SIPA1L1: variants seen among roughly 807,000 people sequenced by gnomAD.
SIPA1L1 encodes signal-induced proliferation-associated 1-like protein 1.
A neutral mutation model predicts 162.7 loss-of-function variants in SIPA1L1; 26 were observed. The observed-to-expected ratio is 0.16, with a 90% confidence interval of 0.12 to 0.22. The LOEUF (loss-of-function observed/expected upper bound fraction) is 0.22, where lower values mean the gene tolerates loss of function less well. Ranked by LOEUF, SIPA1L1 falls within the 10% of genes least tolerant of loss-of-function variation. The probability of loss-of-function intolerance (pLI) is 1.00; values close to 1 mark genes in which losing one functional copy is unlikely to be tolerated. For synonymous variants in SIPA1L1, 829 were observed against 837.4 expected, an observed-to-expected ratio of 0.99 and a Z score of 0.17; for missense variants, 1,874 against 2,241.0, an observed-to-expected ratio of 0.84 and a Z score of 3.31.
intron 19 of SIPA1L1, among the ~76,000 whole-genome samples, chr14:71,726,133 T>G (rs758461294): frequency 1.3e-5 from 2 of 152,214 alleles, no homozygotes; most frequent in Non-Finnish European, 2.9e-5. Context: ...AGGACCACTT[T>G]AGAGTTTTGT....
intron 5 of SIPA1L1, among the ~76,000 whole-genome samples, chr14:71,590,446 T>C (rs976041322): frequency 5.3e-5 from 8 of 152,138 alleles, no homozygotes; most frequent in African/African-American, 1.9e-4. Flanking sequence ...TATTTAAAAT[T>C]ATTGAATGGT....
intron 2 of SIPA1L1, among the ~76,000 whole-genome samples, chr14:71,414,683 G>A (rs954569501): frequency 4.8e-4 from 73 of 152,300 alleles, no homozygotes; most frequent in African/African-American, 1.7e-3. Context: ...GAAATTAGGT[G>A]AGAGCTTATA....
At chr14:71,342,686 G>A (rs2035784171) in intron 2 of SIPA1L1, among the ~76,000 whole-genome samples, 1 of 152,064 alleles carries the variant, frequency 6.6e-6, no homozygotes, top group South Asian at 2.1e-4. Flanking sequence ...ATTGAGTTTT[G>A]GACTGTGTAT....
chr14:71,374,346 T>G (rs2039175418), intron 2 of SIPA1L1, among the ~76,000 whole-genome samples: 1 of 152,134 alleles, frequency 6.6e-6, no homozygotes, highest in Non-Finnish European at 1.5e-5. Context: ...CTTATATGTT[T>G]TATTCCAACT....
At position 71,709,454 on chromosome 14, in the gene SIPA1L1, C is replaced by T. The variant is rs1432748293; in HGVS notation, c.3998C>T (p.Pro1333Leu). The T allele has an allele frequency of 1.2e-6, 2 of 1,614,222 alleles. No homozygotes were observed. The highest frequency in any genetic ancestry group is 8.5e-7 in the Non-Finnish European group (1 of 1,180,042). ...GAATSSPRSG[P>L]GKEKVAPLWH... ...GCCACATCGTCACCTCGCTCAGGGC[C>T]AGGCAAGGAGAAAGTGGCACCCCTA... The change falls in exon 17 of 24, where the codon CCA (proline) becomes CTA (leucine). Residue 1333 changes from proline (P) to leucine (L), a missense_variant. Physicochemically the swap from Pro to Leu is moderately conservative, Grantham distance 98. Coordinates refer to ENST00000381232, the MANE Select transcript of SIPA1L1 (RefSeq NM_001386936.1).
intron 20 of SIPA1L1, among the ~76,000 whole-genome samples, chr14:71,731,015 C>T (rs1198727816): frequency 6.6e-6 from 1 of 152,174 alleles, no homozygotes; most frequent in Non-Finnish European, 1.5e-5. Flanking sequence ...CAGCAGATGC[C>T]TGTCACGGAA....
intron 3 of SIPA1L1, among the ~76,000 whole-genome samples, chr14:71,519,534 G>A (rs2052084694): frequency 6.6e-6 from 1 of 151,626 alleles, no homozygotes; most frequent in Admixed American, 6.6e-5. Flanking sequence ...CAGAAAATGA[G>A]GAAATGATTG....
In SIPA1L1 at chr14:71,408,955, C is replaced by T. The variant is rs574441859; in HGVS notation, c.-465+87774C>T. 1.6e-4 allele frequency among the ~76,000 whole-genome samples: 25 copies of T among 152,204 alleles called. 1 individual carries two copies. In the East Asian group the frequency reaches 4.4e-3, roughly 27 times the overall value. ...ATCGGGATCCTCCTAAAGACCTCCT[C>T]ATGGTTTGGTGAGGCTCAGATCTTG... On this transcript the variant is annotated intron_variant, in intron 2 of 23. Transcript: ENST00000381232.
intron 2 of SIPA1L1, among the ~76,000 whole-genome samples, chr14:71,505,689 T>C (rs1405056524): frequency 1.3e-5 from 2 of 152,130 alleles, no homozygotes; most frequent in Non-Finnish European, 1.5e-5. Flanking sequence ...AATCCCAAAA[T>C]TGGAAATTTG....
chr14:71,696,104 C>G (rs1249721953), intron 13 of SIPA1L1, among the ~76,000 whole-genome samples: 3 of 152,128 alleles, frequency 2.0e-5, no homozygotes, highest in Admixed American at 2.0e-4. Context: ...TAGTATCCCA[C>G]TAGTACGTGG....
intron 2 of SIPA1L1, among the ~76,000 whole-genome samples, chr14:71,417,649 G>A (rs527956779): frequency 1.3e-5 from 2 of 152,054 alleles, no homozygotes; most frequent in South Asian, 2.1e-4. Flanking sequence ...AGTGGCAGAG[G>A]TGGAGGAGGA....
rs749130470 is a variant in SIPA1L1, at chr14:71,709,677, C to G, written c.4208+13C>G. 126 of 1,599,570 alleles carry G rather than the reference C, an allele frequency of 7.9e-5. 1 individual carries two copies. Among genetic ancestry groups the G allele is most frequent in the East Asian group, 2.2e-5 (1 of 44,762 alleles). On this transcript the variant is annotated intron_variant, in intron 17 of 23. Coordinates refer to ENST00000381232, the MANE Select transcript of SIPA1L1 (RefSeq NM_001386936.1). ...CTTCCCACACAAGGTAACCACCCTT[C>G]CCCGCTGTCTGATTCCCAGCCCAGA...
rs751319939 is a variant in SIPA1L1, at chr14:71,685,499, T to C, written c.3242T>C (p.Val1081Ala). ...AGCAAGGGGCCTCATTCACCTCAAG[T>C]CCCGTCCCAGGTGCAGAGTCCCATG... is the stretch of plus-strand genomic sequence containing the variant. Reference protein sequence around the residue: ...NASKGPHSPQVPSQVQSPMTS... With the variant: ...NASKGPHSPQAPSQVQSPMTS... Residue 1081 changes from valine to alanine, a missense_variant, in exon 13 of 24, where the codon GTC (valine) becomes GCC (alanine). Physicochemically the swap from Val to Ala is moderately conservative, Grantham distance 64. Coordinates refer to ENST00000381232, the MANE Select transcript of SIPA1L1 (RefSeq NM_001386936.1). 23 of 1,614,044 alleles carry C rather than the reference T, an allele frequency of 1.4e-5. No individual in the cohort carries two copies. Among genetic ancestry groups the C allele is most frequent in the African/African-American group, 4.0e-5 (3 of 74,924 alleles).
chr14:71,685,780 G>GGT, intron 13 of SIPA1L1, 149 bp downstream of exon 13: 1 of 1,035,836 alleles, frequency 9.7e-7, no homozygotes, highest in Non-Finnish European at 1.4e-6. Flanking sequence ...TTCAAAGCAT[G>GGT]GTAGTGTTCC....
At chr14:71,542,360 T>TCTTCCTGCTGCTGCTGCTGCTG (rs1288228132) in intron 4 of SIPA1L1, among the ~76,000 whole-genome samples, 1 of 129,374 alleles carries the variant, frequency 7.7e-6, no homozygotes, top group African/African-American at 2.9e-5. Context: ...TCCTCTTTCT[T>TCTTCCTGCTGCTGCTGCTGCTG]CTTCTTCCTG....
At chr14:71,433,868 A>G (rs377744402) in intron 2 of SIPA1L1, among the ~76,000 whole-genome samples, 4 of 152,322 alleles carry the variant, frequency 2.6e-5, no homozygotes, top group African/African-American at 9.6e-5. Context: ...TGTAAGGATT[A>G]TATCTTATCT....
Position 71,322,809 on chromosome 14 carries a change from G to A in SIPA1L1, c.-465+1628G>A, listed in dbSNP as rs955291564. Among the ~76,000 whole-genome samples the A allele has an allele frequency of 5.3e-5, 8 of 152,338 alleles. No individual in the cohort carries two copies. The South Asian group carries it at 6.2e-4, about 12-fold the overall frequency. On this transcript the variant is annotated intron_variant, in intron 2 of 23. Transcript: ENST00000381232. ...TTTTTCTAGTTGACTGAGTGAACAA[G>A]TTTGGTGAGTGGCTTGAGACAGTCA...
intron 2 of SIPA1L1, among the ~76,000 whole-genome samples, chr14:71,460,790 CAG>C (rs1353262762): frequency 6.6e-6 from 1 of 152,172 alleles, no homozygotes; most frequent in Non-Finnish European, 1.5e-5. Context: ...GTGGGAGAAA[CAG>C]TACCATATAT....
intron 5 of SIPA1L1, among the ~76,000 whole-genome samples, chr14:71,611,405 T>G (rs968359953): frequency 6.7e-5 from 10 of 149,340 alleles, no homozygotes; most frequent in Non-Finnish European, 1.3e-4. Context: ...TTAATTTAAT[T>G]TAATGTTATG....
Sources: gnomAD v4.1 joint callset for allele counts (sites outside exome capture counted in the v4.1 genomes callset) on GRCh38, gnomAD v4.1.1 for gene constraint, MANE v1.5 for transcripts, NCBI Gene and HGNC (gene_info 2026-07-23, HGNC 2026-07-21) for gene names.